The following PPP3R1 variants were observed in gnomAD, a reference collection of about 807,000 sequenced individuals.
PPP3R1 encodes the protein protein phosphatase 3 regulatory subunit B, alpha.
Under a neutral mutation model 22.6 loss-of-function variants are expected in PPP3R1, and 5 were observed. The ratio of observed to expected loss-of-function variants is 0.22; its 90% CI spans 0.12 to 0.46. The LOEUF (loss-of-function observed/expected upper bound fraction) is 0.46. Among genes scored for constraint, PPP3R1 ranks in the 20% least tolerant of loss-of-function variants. The pLI is 0.99. For missense variants in PPP3R1, 61 were observed against 203.2 expected (o/e 0.30, Z 4.25); for synonymous variants, 56 against 65.2 (o/e 0.86, Z 0.68).
chr2:68,188,306 C>T (rs1674589089), intron 3 of PPP3R1, among the ~76,000 whole-genome samples: 1 of 151,982 alleles, frequency 6.6e-6, no homozygotes, highest in South Asian at 2.1e-4. Flanking sequence ...GTAGATTATC[C>T]TAAAGAATGA....
At chr2:68,239,190 C>G (rs1256248333) in intron 1 of PPP3R1, among the ~76,000 whole-genome samples, 6 of 152,112 alleles carry the variant, frequency 3.9e-5, no homozygotes, top group Admixed American at 6.5e-5. Flanking sequence ...ACTAAACGGA[C>G]AGTATACAGT....
chr2:68,186,205 AG>A (rs1438772291), intron 5 of PPP3R1, among the ~76,000 whole-genome samples: 3 of 152,232 alleles, frequency 2.0e-5, no homozygotes, highest in African/African-American at 7.2e-5. Flanking sequence ...GCTTCTGTTC[AG>A]AAGCAATGAG....
At chr2:68,217,568 CA>C (rs1221460685) in intron 1 of PPP3R1, among the ~76,000 whole-genome samples, 1 of 151,624 alleles carries the variant, frequency 6.6e-6, no homozygotes, top group Non-Finnish European at 1.5e-5. Context: ...CTGTTAAAAA[CA>C]AAAAAACAGA....
chr2:68,187,371 AC>A (rs1674567861), intron 3 of PPP3R1, 57 bp from the exon 4 acceptor site: 2 of 1,406,882 alleles, frequency 1.4e-6, no homozygotes, highest in Non-Finnish European at 2.0e-6. Flanking sequence ...TACACAAAAA[AC>A]ATATTTACCT....
chr2:68,229,942 GTATA>G (rs1195980016), intron 1 of PPP3R1, among the ~76,000 whole-genome samples: 6 of 145,536 alleles, frequency 4.1e-5, no homozygotes, highest in Admixed American at 1.4e-4. Context: ...GTGTATGTGT[GTATA>G]TATGTGTGTG....
chr2:68,222,658 C>T (rs1001250205), intron 1 of PPP3R1, among the ~76,000 whole-genome samples: 5 of 152,166 alleles, frequency 3.3e-5, no homozygotes, highest in African/African-American at 1.2e-4. Context: ...GGCCTTCAAG[C>T]TACAGCACCA....
intron 2 of PPP3R1, among the ~76,000 whole-genome samples, chr2:68,198,553 G>T (rs1374813802): frequency 4.7e-5 from 7 of 148,716 alleles, no homozygotes. Context: ...CTGTTTCATT[G>T]ATTTTAGTCT....
intron 2 of PPP3R1, among the ~76,000 whole-genome samples, chr2:68,192,861 C>T (rs1289698009): frequency 6.6e-6 from 1 of 152,108 alleles, no homozygotes; most frequent in East Asian, 1.9e-4. Flanking sequence ...TTTTCTTTGG[C>T]TACAATGCTC....
intron 2 of PPP3R1, among the ~76,000 whole-genome samples, chr2:68,200,872 G>A (rs908615307): frequency 2.0e-5 from 3 of 152,110 alleles, no homozygotes; most frequent in African/African-American, 7.2e-5. Flanking sequence ...CTGAAGGCCT[G>A]TGTATTATTG....
chr2:68,206,078 A>C (rs1003880628), intron 2 of PPP3R1, among the ~76,000 whole-genome samples: 1 of 152,166 alleles, frequency 6.6e-6, no homozygotes, highest in Non-Finnish European at 1.5e-5. Flanking sequence ...TCGGCCTCCC[A>C]AAGTGCTGGG....
At chr2:68,227,002 A>G (rs996203072) in intron 1 of PPP3R1, among the ~76,000 whole-genome samples, 19 of 152,090 alleles carry the variant, frequency 1.2e-4, no homozygotes, top group African/African-American at 3.1e-4. Flanking sequence ...AGAGTCTATA[A>G]CCAAATAAGG....
intron 1 of PPP3R1, among the ~76,000 whole-genome samples, chr2:68,249,894 G>C (rs1670310444): frequency 6.6e-6 from 1 of 152,098 alleles, no homozygotes; most frequent in Non-Finnish European, 1.5e-5. Context: ...TAAATAATAA[G>C]AGTTCTAAGA....
intron 2 of PPP3R1, among the ~76,000 whole-genome samples, chr2:68,195,016 A>G (rs976000539): frequency 6.6e-6 from 1 of 152,144 alleles, no homozygotes; most frequent in African/African-American, 2.4e-5. Flanking sequence ...AAAGAAAAAG[A>G]ACACTCTCCA....
chr2:68,221,354 C>G (rs1006911131), intron 1 of PPP3R1, among the ~76,000 whole-genome samples: 5 of 150,896 alleles, frequency 3.3e-5, no homozygotes, highest in African/African-American at 1.2e-4. Flanking sequence ...AAACACGAGC[C>G]AGGCATGTTA....
rs11414850 is a variant in PPP3R1 at position 68,207,114 on chromosome 2, C to CAA, written c.43+9976_43+9977dup. Among the ~76,000 whole-genome samples the CAA allele has an allele frequency of 2.2e-3, 290 of 134,802 alleles. 1 individual carries two copies. The highest frequency in any genetic ancestry group is 3.8e-3 in the South Asian group (17 of 4,468). The allele number at this position is 134,802 out of a possible 152,430, so 88.4% of individuals were successfully genotyped here. A position where few individuals can be genotyped will look rare whatever the true frequency, so the allele number is the denominator to read the frequency against. ...AAAGAGGTTTTGGGAAAAAAAAAAG[C>CAA]AAAAAAAAAAAATTACTACAATGTG... is the stretch of plus-strand genomic sequence containing the variant. On this transcript the variant is annotated intron_variant, in intron 2 of 5. Transcript: ENST00000234310.
chr2:68,233,126 T>C (rs1295640792), intron 1 of PPP3R1, among the ~76,000 whole-genome samples: 2 of 152,156 alleles, frequency 1.3e-5, no homozygotes, highest in African/African-American at 4.8e-5. Flanking sequence ...ACAATTACTT[T>C]GGCTACGAAT....
rs184772027 is a variant in PPP3R1 at position 68,245,791 on chromosome 2, C to G, written c.3+6334G>C. Among the ~76,000 whole-genome samples, 4 of 152,324 alleles carry G rather than the reference C, an allele frequency of 2.6e-5. No individual in the cohort carries two copies. The East Asian group carries it at 7.7e-4, about 29-fold the overall frequency. On this transcript the variant is annotated intron_variant, in intron 1 of 5. Coordinates refer to ENST00000234310, the MANE Select transcript of PPP3R1 (RefSeq NM_000945.4). ...TCAATGGTTCCCCAATGGGACCAAA[C>G]TGAACTCAAAACAGTTAAACCATTT...
At chr2:68,206,069 C>T (rs1199802811) in intron 2 of PPP3R1, among the ~76,000 whole-genome samples, 1 of 152,118 alleles carries the variant, frequency 6.6e-6, no homozygotes, top group Non-Finnish European at 1.5e-5. Context: ...CCGCCCGCCT[C>T]GGCCTCCCAA....
Position 68,224,521 on chromosome 2 carries a change from G to A in PPP3R1, c.4-7390C>T, listed in dbSNP as rs148950579. ...ACTGAAAATACAAAAAAAACTAGCC[G>A]GGCGTGGTGGCAGGCGCCTGCAATC... On this transcript the variant is annotated intron_variant, in intron 1 of 5. Coordinates refer to ENST00000234310, the MANE Select transcript of PPP3R1 (RefSeq NM_000945.4). Among the ~76,000 whole-genome samples, 11 of 152,076 alleles carry A rather than the reference G, an allele frequency of 7.2e-5. No homozygotes were observed. The South Asian group carries it at 8.3e-4, about 11-fold the overall frequency.
Sources: gnomAD v4.1 joint callset for allele counts (sites outside exome capture counted in the v4.1 genomes callset) on GRCh38, gnomAD v4.1.1 for gene constraint, MANE v1.5 for transcripts, NCBI Gene and HGNC (gene_info 2026-07-23, HGNC 2026-07-21) for gene names.